The following DOCK3 variants were observed in gnomAD, a reference collection of about 807,000 sequenced individuals.
DOCK3 encodes the protein dedicator of cytokinesis protein 3.
A neutral mutation model predicts 265.6 loss-of-function variants in DOCK3; 60 were observed. That is an observed-to-expected ratio of 0.23 (90% CI 0.18 to 0.28). DOCK3 has a LOEUF of 0.28. DOCK3 is among the 10% of genes least tolerant of loss of function. The pLI is 1.00. For synonymous variants in DOCK3, 881 were observed against 938.0 expected (o/e 0.94, Z 1.11); for missense variants, 1,981 against 2,594.3 (o/e 0.76, Z 5.14).
intron 5 of DOCK3, among the ~76,000 whole-genome samples, chr3:50,979,056 A>C (rs1055622006): frequency 1.3e-5 from 2 of 152,124 alleles, no homozygotes; most frequent in Admixed American, 1.3e-4. Context: ...GGCACTCCCT[A>C]GTGAGATGAA....
intron 5 of DOCK3, among the ~76,000 whole-genome samples, chr3:51,059,436 G>A (rs1560003534): frequency 7.0e-6 from 1 of 143,278 alleles, no homozygotes; most frequent in Non-Finnish European, 1.5e-5. Flanking sequence ...TACTTCATTA[G>A]ACTTTGCTAG....
chr3:51,034,588 C>T (rs1413661657), intron 5 of DOCK3, among the ~76,000 whole-genome samples: 1 of 151,904 alleles, frequency 6.6e-6, no homozygotes, highest in Admixed American at 6.6e-5. Flanking sequence ...TATCATGATT[C>T]CTTAAGACAG....
Position 50,983,177 on chromosome 3 carries a change from G to T in DOCK3, c.315+49100G>T, listed in dbSNP as rs965306911. On this transcript the variant is annotated intron_variant, in intron 5 of 52. Transcript: ENST00000266037. The stretch of plus-strand genomic sequence containing the variant: ...CCCCCTCTGGACTTTGGGTACACAG[G>T]GGGTAGGGATGAGGTGGGGCTGAGG... 3.9e-5 allele frequency among the ~76,000 whole-genome samples: 6 copies of T among 152,250 alleles called. No individual in the cohort carries two copies. In the East Asian group the frequency reaches 7.7e-4, roughly 20 times the overall value.
intron 5 of DOCK3, among the ~76,000 whole-genome samples, chr3:51,007,232 T>C (rs571487623): frequency 1.3e-5 from 2 of 152,342 alleles, no homozygotes; most frequent in East Asian, 3.9e-4. Context: ...TAGTTTACAG[T>C]CCCACCAACA....
intron 1 of DOCK3, among the ~76,000 whole-genome samples, chr3:50,764,431 A>G (rs1377218536): frequency 6.6e-6 from 1 of 152,224 alleles, no homozygotes; most frequent in Non-Finnish European, 1.5e-5. Flanking sequence ...GAGATGGTTT[A>G]AAGTATACAA....
At chr3:50,776,894 A>T (rs55723661) in intron 1 of DOCK3, among the ~76,000 whole-genome samples, 3,798 of 152,254 alleles carry the variant, frequency 0.025, 182 homozygotes, top group African/African-American at 0.087. Context: ...TTTACAAAAG[A>T]AAGAGGTTTA....
At chr3:51,184,395 C>A (rs990736250) in intron 12 of DOCK3, among the ~76,000 whole-genome samples, 1 of 149,822 alleles carries the variant, frequency 6.7e-6, no homozygotes, top group South Asian at 2.1e-4. Flanking sequence ...AGGTAATATA[C>A]AAAATGATCC....
At chr3:51,248,864 G>C (rs2078984901) in intron 22 of DOCK3, among the ~76,000 whole-genome samples, 1 of 144,930 alleles carries the variant, frequency 6.9e-6, no homozygotes, top group Non-Finnish European at 1.5e-5. Flanking sequence ...GGGATGTGAG[G>C]AGCGCCTCTG....
At chr3:51,120,170 A>T (rs2083946463) in intron 9 of DOCK3, among the ~76,000 whole-genome samples, 1 of 151,942 alleles carries the variant, frequency 6.6e-6, no homozygotes, top group Admixed American at 6.6e-5. Flanking sequence ...TTTTTTGCTG[A>T]TGTTGATGCT....
chr3:50,940,826 G>A (rs2076271618), intron 5 of DOCK3, among the ~76,000 whole-genome samples: 1 of 151,962 alleles, frequency 6.6e-6, no homozygotes, highest in Admixed American at 6.6e-5. Flanking sequence ...TTAAGTAGAG[G>A]AACGATAGTC....
rs200021682 is a variant in DOCK3, at chr3:51,359,242, C to G, written c.4884+1165C>G. Among the ~76,000 whole-genome samples, 19 of 152,338 alleles carry G rather than the reference C, an allele frequency of 1.2e-4. No individual in the cohort carries two copies. In the East Asian group the frequency reaches 3.7e-3, roughly 29 times the overall value. On this transcript the variant is annotated intron_variant, in intron 46 of 52. Transcript: ENST00000266037. The surrounding 1 kb of genome is among the most constrained non-coding windows in gnomAD (Gnocchi z 4.8). ...GGATGCTGCAGGTTCTGGTCATCTCCGTCCCTCCAGGCTCCCAGTGCAGGT... is the reference window on the plus strand; with the variant it reads ...GGATGCTGCAGGTTCTGGTCATCTCGGTCCCTCCAGGCTCCCAGTGCAGGT...
intron 3 of DOCK3, among the ~76,000 whole-genome samples, chr3:50,859,129 T>A (rs1228201092): frequency 6.6e-6 from 1 of 152,010 alleles, no homozygotes; most frequent in Non-Finnish European, 1.5e-5. Context: ...TGTTTCTACT[T>A]GTATTCTGAA....
At chr3:51,087,854 A>C (rs565150230) in intron 7 of DOCK3, among the ~76,000 whole-genome samples, 1 of 152,294 alleles carries the variant, frequency 6.6e-6, no homozygotes, top group African/African-American at 2.4e-5. Context: ...CTTCCCAAAA[A>C]ACAAAACAGA....
chr3:50,966,877 A>G (rs547631128), intron 5 of DOCK3, among the ~76,000 whole-genome samples: 2 of 152,286 alleles, frequency 1.3e-5, no homozygotes, highest in Admixed American at 1.3e-4. Flanking sequence ...ATTAGAATCA[A>G]ACATTTATAA....
chr3:51,332,679 A>G (rs996696073), intron 33 of DOCK3, among the ~76,000 whole-genome samples: 1 of 152,234 alleles, frequency 6.6e-6, no homozygotes, highest in African/African-American at 2.4e-5. Flanking sequence ...ATCTTAAAAA[A>G]GAAAGATTAA....
At chr3:51,206,916 A>C (rs1463393212) in intron 12 of DOCK3, among the ~76,000 whole-genome samples, 1 of 152,240 alleles carries the variant, frequency 6.6e-6, no homozygotes, top group Non-Finnish European at 1.5e-5. Context: ...GAATGCTGGA[A>C]GGGTATAGTG....
intron 9 of DOCK3, among the ~76,000 whole-genome samples, chr3:51,144,780 TAATAAC>T (rs563065256): frequency 1.9e-3 from 287 of 152,336 alleles, no homozygotes; most frequent in African/African-American, 6.7e-3. Flanking sequence ...ACACAGAACT[TAATAAC>T]AATTTGTAGA....
At chr3:51,016,947 T>C (rs1455773519) in intron 5 of DOCK3, among the ~76,000 whole-genome samples, 1 of 36,280 alleles carries the variant, frequency 2.8e-5, no homozygotes, top group Admixed American at 4.0e-4. Context: ...ATATGTTATA[T>C]ATAATATATA....
At chr3:50,879,851 C>A (rs1194075158) in intron 3 of DOCK3, among the ~76,000 whole-genome samples, 1 of 152,202 alleles carries the variant, frequency 6.6e-6, no homozygotes, top group African/African-American at 2.4e-5. Context: ...CTACATCACA[C>A]TTATTCCAAA....
Sources: gnomAD v4.1 joint callset for allele counts (sites outside exome capture counted in the v4.1 genomes callset) on GRCh38, gnomAD v4.1.1 for gene constraint, Gnocchi (gnomAD v3.1) non-coding constraint, MANE v1.5 for transcripts, NCBI Gene and HGNC (gene_info 2026-07-23, HGNC 2026-07-21) for gene names.